The following SLX4IP variants were observed in gnomAD, a reference collection of about 807,000 sequenced individuals.
SLX4IP encodes the protein protein SLX4IP.
In SLX4IP, 34 loss-of-function variants were observed where a neutral mutation model predicts 32.9. That is an observed-to-expected ratio of 1.03 (90% CI 0.79 to 1.38). The LOEUF (loss-of-function observed/expected upper bound fraction) is 1.38. Ranked by LOEUF, SLX4IP falls within the 40% of genes most tolerant of loss-of-function variation. SLX4IP has a pLI of 0.00. For missense variants in SLX4IP, 444 were observed against 479.0 expected, an observed-to-expected ratio of 0.93 and a Z score of 0.68; for synonymous variants, 172 against 171.7, an observed-to-expected ratio of 1.00 and a Z score of -0.01.
rs71186105 is a variant in SLX4IP, at chr20:10,626,190, A to ATTTTTTT, written c.*2830_*2836dup. On this transcript the variant is annotated 3_prime_UTR_variant, in exon 8 of 8. Transcript: ENST00000334534. ...CCACCACGCCCGGCTAATTTTTTGT[A>ATTTTTTT]TTTTTTTTTTTTTTTTTTTTTTTTT... The ATTTTTTT allele has an allele frequency of 6.5e-5, 5 of 77,054 alleles. No homozygotes were observed. The highest frequency in any genetic ancestry group is 1.6e-4 in the African/African-American group (3 of 18,222). The allele number at this position is 77,054 out of a possible 1,614,324, so 4.8% of individuals were successfully genotyped here.
chr20:10,494,853 G>A (rs1328151599), intron 2 of SLX4IP, among the ~76,000 whole-genome samples: 1 of 152,072 alleles, frequency 6.6e-6, no homozygotes. Context: ...AGTTTGTGGA[G>A]TGATGGAGAG....
chr20:10,439,335 A>T (rs2065142328), intron 1 of SLX4IP, among the ~76,000 whole-genome samples: 1 of 151,952 alleles, frequency 6.6e-6, no homozygotes, highest in South Asian at 2.1e-4. Context: ...CAGCCTCCCG[A>T]GTAGCTGGGA....
intron 2 of SLX4IP, among the ~76,000 whole-genome samples, chr20:10,515,296 G>A (rs1475905307): frequency 1.3e-5 from 2 of 151,866 alleles, no homozygotes; most frequent in African/African-American, 4.8e-5. Flanking sequence ...TGTTGGCCAG[G>A]CTGTTCTCGA....
intron 2 of SLX4IP, among the ~76,000 whole-genome samples, chr20:10,489,210 ATTCT>A (rs1279025161): frequency 6.6e-6 from 1 of 152,164 alleles, no homozygotes. Flanking sequence ...GTATGGGGTC[ATTCT>A]TCTTACTTGA....
chr20:10,625,997 T>A lies in SLX4IP; in HGVS notation c.*2618T>A, dbSNP rs1568783898. ...AGTTCTCACTGTTGGGAATGGTATGTGTTTTGACATTCTTTTTTTTTTTTT... is the reference window on the plus strand; with the variant it reads ...AGTTCTCACTGTTGGGAATGGTATGAGTTTTGACATTCTTTTTTTTTTTTT... On this transcript the variant is annotated 3_prime_UTR_variant, in exon 8 of 8. Transcript: ENST00000334534. 6.7e-6 allele frequency: 1 copy of A among 149,270 alleles called. No homozygotes were observed. The highest frequency in any genetic ancestry group is 1.5e-5 in the Non-Finnish European group (1 of 67,472). 9.2% of individuals were successfully genotyped at this position (149,270 alleles called of 1,614,324 possible).
At chr20:10,455,400 A>T (rs2065276433) in intron 1 of SLX4IP, among the ~76,000 whole-genome samples, 5 of 152,014 alleles carry the variant, frequency 3.3e-5, no homozygotes. Flanking sequence ...CTTTTTGTAT[A>T]TAGTGTGATG....
At chr20:10,551,277 G>A (rs942133231) in intron 2 of SLX4IP, among the ~76,000 whole-genome samples, 9 of 152,130 alleles carry the variant, frequency 5.9e-5, no homozygotes, top group African/African-American at 1.7e-4. Flanking sequence ...CCCATTTCAC[G>A]AAATATGAAA....
intron 5 of SLX4IP, among the ~76,000 whole-genome samples, chr20:10,600,268 A>G (rs979227467): frequency 6.6e-6 from 1 of 152,192 alleles, no homozygotes; most frequent in Non-Finnish European, 1.5e-5. Flanking sequence ...GTTGAAAAAA[A>G]CCCAGGCCCC....
At chr20:10,460,164 A>G (rs910326208) in intron 2 of SLX4IP, among the ~76,000 whole-genome samples, 1 of 152,212 alleles carries the variant, frequency 6.6e-6, no homozygotes, top group African/African-American at 2.4e-5. Context: ...GTCTCACCCT[A>G]GAAAGATATT....
rs545592316 is a variant in SLX4IP at position 10,450,994 on chromosome 20, C to T, written c.-29-7182C>T. On this transcript the variant is annotated intron_variant, in intron 1 of 7. Transcript: ENST00000334534. ...GTCTCGATCTCCTGACCTCTTGATC[C>T]GCCTGCCTCGGCCTCCCAAAGTGCT... is the stretch of plus-strand genomic sequence containing the variant. 2.3e-3 allele frequency among the ~76,000 whole-genome samples: 357 copies of T among 152,180 alleles called. 2 individuals are homozygous for T. Among genetic ancestry groups the T allele is most frequent in the African/African-American group, 7.3e-3 (305 of 41,536 alleles).
At chr20:10,533,649 T>A (rs1256746989) in intron 2 of SLX4IP, among the ~76,000 whole-genome samples, 1 of 132,284 alleles carries the variant, frequency 7.6e-6, no homozygotes, top group Non-Finnish European at 1.5e-5. Flanking sequence ...AGGCAGGGTC[T>A]GGCTCTGTCA....
chr20:10,606,845 C>G (rs1054449635), intron 6 of SLX4IP, among the ~76,000 whole-genome samples: 1 of 151,954 alleles, frequency 6.6e-6, no homozygotes, highest in Non-Finnish European at 1.5e-5. Flanking sequence ...ATTTTTTTTA[C>G]TGATGATTTT....
At chr20:10,564,778 A>G (rs1211768386) in intron 4 of SLX4IP, among the ~76,000 whole-genome samples, 1 of 152,330 alleles carries the variant, frequency 6.6e-6, no homozygotes, top group East Asian at 1.9e-4. Flanking sequence ...TTATTTCAGT[A>G]TCAGTAAAAA....
intron 1 of SLX4IP, among the ~76,000 whole-genome samples, chr20:10,445,827 T>C (rs1238546466): frequency 1.3e-5 from 2 of 151,874 alleles, no homozygotes; most frequent in African/African-American, 4.8e-5. Context: ...GGTTTCACCA[T>C]GTTAGCCAGG....
At chr20:10,440,942 A>G (rs1002501757) in intron 1 of SLX4IP, among the ~76,000 whole-genome samples, 4 of 152,156 alleles carry the variant, frequency 2.6e-5, no homozygotes, top group Non-Finnish European at 4.4e-5. Context: ...ATCTCATGTA[A>G]TCCTTACAGG....
At chr20:10,457,019 A>C (rs574575062) in intron 1 of SLX4IP, among the ~76,000 whole-genome samples, 2 of 152,140 alleles carry the variant, frequency 1.3e-5, no homozygotes, top group Non-Finnish European at 2.9e-5. Flanking sequence ...TTTTAGGACT[A>C]TTCATTGTTG....
intron 2 of SLX4IP, among the ~76,000 whole-genome samples, chr20:10,518,179 GA>G (rs1555811040): frequency 6.6e-6 from 1 of 151,738 alleles, no homozygotes; most frequent in African/African-American, 2.4e-5. Flanking sequence ...AAAGTTGAAG[GA>G]AAAAAAGAGT....
intron 2 of SLX4IP, among the ~76,000 whole-genome samples, chr20:10,537,403 G>T (rs904042784): frequency 6.6e-6 from 1 of 152,178 alleles, no homozygotes; most frequent in Non-Finnish European, 1.5e-5. Context: ...TGTGTTTAAT[G>T]GAACCCGTAA....
chr20:10,512,778 C>CTATACATA (rs2065821014), intron 2 of SLX4IP, among the ~76,000 whole-genome samples: 1 of 25,658 alleles, frequency 3.9e-5, no homozygotes, highest in Non-Finnish European at 7.3e-5. Flanking sequence ...CACACACACT[C>CTATACATA]TATATATATA....
Sources: allele counts gnomAD v4.1 joint callset (sites outside exome capture counted in the v4.1 genomes callset), GRCh38; gene constraint gnomAD v4.1.1; transcripts MANE v1.5; gene names NCBI Gene and HGNC (gene_info 2026-07-23, HGNC 2026-07-21).